GPM6A: variants seen among roughly 807,000 people sequenced by gnomAD.
GPM6A encodes the protein glycoprotein M6A.
Under a neutral mutation model 32.1 loss-of-function variants are expected in GPM6A, and 7 were observed. That is an observed-to-expected ratio of 0.22 (90% CI 0.12 to 0.41). The LOEUF (loss-of-function observed/expected upper bound fraction) is 0.41. GPM6A is among the 10% of genes least tolerant of loss of function. The pLI, the probability that GPM6A is intolerant of heterozygous loss-of-function variation, is 1.00. For synonymous variants in GPM6A, 130 were observed against 123.4 expected (o/e 1.05, Z -0.35); for missense variants, 235 against 347.2 (o/e 0.68, Z 2.57).
chr4:175,816,685 G>A (rs1421896508), upstream of GPM6A, among the ~76,000 whole-genome samples: 2 of 152,124 alleles, frequency 1.3e-5, no homozygotes, highest in Non-Finnish European at 2.9e-5. Flanking sequence ...ACACGGTTTA[G>A]AAACTGCCTT....
rs34516159 is a variant in GPM6A at position 175,636,260 on chromosome 4, GTATATATATATATA to G, written c.685-1217_685-1204del. ...TTTACATAGTGAAAGCATAATCACT[GTATATATATATATA>G]TATATATATATATATATATATATAC... On this transcript the variant is annotated intron_variant, in intron 6 of 6. Transcript: ENST00000393658. 3.3e-3 allele frequency among the ~76,000 whole-genome samples: 338 copies of G among 101,316 alleles called. 5 individuals are homozygous for G. The highest frequency in any genetic ancestry group is 0.012 in the Middle Eastern group (2 of 164). 66.5% of individuals were successfully genotyped at this position (101,316 alleles called of 152,430 possible).
At chr4:175,727,370 A>G (rs1731218185) in intron 1 of GPM6A, among the ~76,000 whole-genome samples, 1 of 152,228 alleles carries the variant, frequency 6.6e-6, no homozygotes, top group Non-Finnish European at 1.5e-5. Context: ...ATACTCATCT[A>G]AAGTTGCAAA....
At chr4:175,639,910 C>T (rs182431725) in intron 6 of GPM6A, among the ~76,000 whole-genome samples, 10 of 152,024 alleles carry the variant, frequency 6.6e-5, no homozygotes, top group Non-Finnish European at 1.2e-4. Flanking sequence ...TAATGAATTA[C>T]TATTTTTGTT....
intron 1 of GPM6A, among the ~76,000 whole-genome samples, chr4:175,760,674 G>A (rs1488025731): frequency 6.6e-6 from 1 of 151,866 alleles, no homozygotes; most frequent in East Asian, 1.9e-4. Context: ...AAACCATAGG[G>A]AATATTTATA....
chr4:175,930,362 C>G (rs933445726), intron 1 of GPM6A, among the ~76,000 whole-genome samples: 3 of 145,318 alleles, frequency 2.1e-5, no homozygotes, highest in African/African-American at 7.6e-5. Flanking sequence ...AGAGCAACAA[C>G]GAAAAGCATA....
At chr4:175,654,937 C>G (rs746522002) in intron 3 of GPM6A, among the ~76,000 whole-genome samples, 66 of 151,952 alleles carry the variant, frequency 4.3e-4, no homozygotes, top group Admixed American at 2.4e-3. Flanking sequence ...TTTGTTCTAC[C>G]CTTAGGGATC....
At chr4:175,667,932 G>T (rs1162190052) in intron 3 of GPM6A, among the ~76,000 whole-genome samples, 2 of 152,036 alleles carry the variant, frequency 1.3e-5, no homozygotes, top group African/African-American at 4.8e-5. Context: ...TATTTTAATT[G>T]AATTTCAGTC....
At chr4:175,871,243 C>T (rs558396216) in intron 1 of GPM6A, among the ~76,000 whole-genome samples, 28 of 152,068 alleles carry the variant, frequency 1.8e-4, no homozygotes, top group South Asian at 1.5e-3. Context: ...CTGAGGCAGA[C>T]GCATCACCTG....
chr4:175,864,067 T>A (rs1380861036), intron 1 of GPM6A, among the ~76,000 whole-genome samples: 1 of 152,238 alleles, frequency 6.6e-6, no homozygotes, highest in Non-Finnish European at 1.5e-5. Flanking sequence ...CTGAGACTTT[T>A]TAAATGTTGA....
At chr4:175,637,122 A>ATATGTC (rs1740684397) in intron 6 of GPM6A, among the ~76,000 whole-genome samples, 1 of 119,630 alleles carries the variant, frequency 8.4e-6, no homozygotes, top group Non-Finnish European at 1.7e-5. Context: ...TGTGATATAT[A>ATATGTC]ATATATAATA....
At chr4:175,970,405 A>G (rs1351237668) in intron 1 of GPM6A, among the ~76,000 whole-genome samples, 1 of 152,208 alleles carries the variant, frequency 6.6e-6, no homozygotes, top group Non-Finnish European at 1.5e-5. Context: ...AAAGCAGGGG[A>G]AATGAAAAAA....
intron 1 of GPM6A, among the ~76,000 whole-genome samples, chr4:175,736,949 G>A (rs1731685917): frequency 6.6e-6 from 1 of 152,146 alleles, no homozygotes; most frequent in South Asian, 2.1e-4. Flanking sequence ...AAGCCTATTG[G>A]ACCACTAGTA....
chr4:175,976,240 G>A (rs1362527937), intron 1 of GPM6A, among the ~76,000 whole-genome samples: 2 of 149,054 alleles, frequency 1.3e-5, no homozygotes, highest in African/African-American at 5.0e-5. Flanking sequence ...TCGGCTCACT[G>A]CAAGCTCCGC....
intron 2 of GPM6A, among the ~76,000 whole-genome samples, chr4:175,685,434 T>C (rs956409597): frequency 6.6e-6 from 1 of 152,186 alleles, no homozygotes; most frequent in African/African-American, 2.4e-5. Context: ...AGGTCCTTAA[T>C]TTACTTTTTT....
At chr4:175,954,826 T>A (rs1739932637) in intron 1 of GPM6A, among the ~76,000 whole-genome samples, 1 of 152,346 alleles carries the variant, frequency 6.6e-6, no homozygotes, top group African/African-American at 2.4e-5. Flanking sequence ...TTACCCTGGC[T>A]GCCTGATGGC....
In GPM6A at chr4:175,900,304, G is replaced by GAAGGAAAGGAAAGGA. The variant is rs70962429; in HGVS notation, c.-22-88070_-22-88056dup. Among the ~76,000 whole-genome samples the GAAGGAAAGGAAAGGA allele has an allele frequency of 5.8e-3, 746 of 128,084 alleles. 6 individuals are homozygous for GAAGGAAAGGAAAGGA. The highest frequency in any genetic ancestry group is 0.021 in the African/African-American group (704 of 33,074). 84.0% of individuals were successfully genotyped at this position (128,084 alleles called of 152,430 possible). A position where few individuals can be genotyped will look rare whatever the true frequency, so the allele number is the denominator to read the frequency against. On this transcript the variant is annotated intron_variant, in intron 1 of 7. Transcript: ENST00000280187. ...AAAAAAAAGAGAGAAGAAAAGAAAA[G>GAAGGAAAGGAAAGGA]AAGGAAAGGAAAGGAAAGGAAAGGA...
intron 1 of GPM6A, chr4:175,962,223 G>C (rs1425068603): frequency 7.7e-7 from 1 of 1,302,860 alleles, no homozygotes; most frequent in Non-Finnish European, 1.1e-6. Context: ...CATGATGGTG[G>C]AACAAGAGAA....
intron 6 of GPM6A, among the ~76,000 whole-genome samples, chr4:175,637,935 G>A (rs551562102): frequency 1.5e-5 from 2 of 132,154 alleles, no homozygotes; most frequent in South Asian, 4.6e-4. Flanking sequence ...GAAACTCAAG[G>A]TCACTCCAAT....
At chr4:175,713,155 T>C (rs1351747120) in intron 1 of GPM6A, among the ~76,000 whole-genome samples, 1 of 152,212 alleles carries the variant, frequency 6.6e-6, no homozygotes, top group African/African-American at 2.4e-5. Flanking sequence ...ACACACTCTT[T>C]AATAGTTAAC....
Sources: gnomAD v4.1 joint callset for allele counts (sites outside exome capture counted in the v4.1 genomes callset) on GRCh38, gnomAD v4.1.1 for gene constraint, MANE v1.5 for transcripts, NCBI Gene and HGNC (gene_info 2026-07-23, HGNC 2026-07-21) for gene names.